CSNK1G1: variants seen among roughly 807,000 people sequenced by gnomAD.
The protein encoded by CSNK1G1 is casein kinase I isoform gamma-1.
In CSNK1G1, 22 loss-of-function variants were observed where a neutral mutation model predicts 59.6. The ratio of observed to expected loss-of-function variants is 0.37; its 90% confidence interval spans 0.26 to 0.53. The LOEUF is 0.53. CSNK1G1 is among the 20% of genes least tolerant of loss of function. The pLI is 0.89. For missense variants in CSNK1G1, 384 were observed against 519.5 expected, an observed-to-expected ratio of 0.74 and a Z score of 2.54; for synonymous variants, 179 against 177.1, an observed-to-expected ratio of 1.01 and a Z score of -0.08.
At chr15:64,254,455 G>A (rs909239834) in intron 3 of CSNK1G1, among the ~76,000 whole-genome samples, 2 of 151,568 alleles carry the variant, frequency 1.3e-5, no homozygotes, top group Admixed American at 1.3e-4. Context: ...CTGGTTCAGC[G>A]ATTTTCCTGC....
rs755070401 is a variant in CSNK1G1 at position 64,172,009 on chromosome 15, G to A, written c.1215-24C>T. 2.5e-5 allele frequency: 41 copies of A among 1,609,858 alleles called. 1 individual carries two copies. In the South Asian group the frequency reaches 4.4e-4, roughly 17 times the overall value. On this transcript the variant is annotated intron_variant, in intron 11 of 11. Transcript: ENST00000303052. Reference sequence around the variant, plus strand: ...ACCTGGAGCACAAGGAACATTGCAAGTCAGTGCGGGAGGCCTGCAGCTTCC... The same window carrying A: ...ACCTGGAGCACAAGGAACATTGCAAATCAGTGCGGGAGGCCTGCAGCTTCC...
Position 64,213,905 on chromosome 15 carries a change from T to C in CSNK1G1, c.664A>G (p.Thr222Ala). The change falls in exon 6 of 12, where the codon ACG becomes GCG. Residue 222 changes from threonine to alanine, a missense_variant. Thr to Ala is a moderately conservative substitution (Grantham distance 58). This residue lies in a region of CSNK1G1 where 325 missense variants were observed against 440.9 expected (regional missense o/e 0.74). Transcript: ENST00000303052. ...AAAAACACACCTTTGCCAAGATGCG[T>C]GTTGATAGACATATATCTTGCAGTT... is the stretch of plus-strand genomic sequence containing the variant. ...TGTARYMSIN[T>A]HLGKEQSRRD... 3.1e-6 allele frequency: 5 copies of C among 1,613,190 alleles called. No homozygotes were observed. Among genetic ancestry groups the C allele is most frequent in the Non-Finnish European group, 4.2e-6 (5 of 1,179,140 alleles).
chr15:64,225,734 C>A (rs1336431453), intron 4 of CSNK1G1, among the ~76,000 whole-genome samples: 1 of 152,172 alleles, frequency 6.6e-6, no homozygotes, highest in Non-Finnish European at 1.5e-5. Flanking sequence ...TCAACTGATT[C>A]TCCTGCCTCA....
At chr15:64,352,003 A>C (rs903265887) in intron 1 of CSNK1G1, among the ~76,000 whole-genome samples, 4 of 152,178 alleles carry the variant, frequency 2.6e-5, no homozygotes, top group African/African-American at 9.7e-5. Context: ...ATGATAAAAA[A>C]ATGATACGAG....
chr15:64,176,070 G>A lies in CSNK1G1; in HGVS notation c.1215-4085C>T, dbSNP rs1473583046. Among the ~76,000 whole-genome samples the A allele has an allele frequency of 6.6e-6, 1 of 152,202 alleles. No homozygotes were observed. Among genetic ancestry groups the A allele is most frequent in the African/African-American group, 2.4e-5 (1 of 41,448 alleles). ...CAGCGATAAGATGGGTTTGAAAGAA[G>A]GAATAGATTAATTCCTGGGTACAGG... On this transcript the variant is annotated intron_variant, in intron 11 of 11. Transcript: ENST00000303052. This position sits in a 1 kb window ranked among gnomAD's most constrained non-coding sequence, Gnocchi z 5.2.
At chr15:64,270,252 C>T (rs1893215130) in intron 2 of CSNK1G1, among the ~76,000 whole-genome samples, 1 of 152,020 alleles carries the variant, frequency 6.6e-6, no homozygotes, top group Admixed American at 6.5e-5. Context: ...AAGAAACCAA[C>T]TTCTAGATTT....
chr15:64,341,965 AC>A (rs1408794101), intron 1 of CSNK1G1, among the ~76,000 whole-genome samples: 1 of 152,230 alleles, frequency 6.6e-6, no homozygotes, highest in Non-Finnish European at 1.5e-5. Flanking sequence ...AAAGCACTAT[AC>A]AAAAATTTCC....
chr15:64,255,804 A>G (rs1166860494), intron 3 of CSNK1G1, among the ~76,000 whole-genome samples: 3 of 152,230 alleles, frequency 2.0e-5, no homozygotes, highest in Non-Finnish European at 4.4e-5. Context: ...GAAGTTGTCT[A>G]GTCTATCCCT....
At chr15:64,254,230 A>G (rs902325608) in intron 3 of CSNK1G1, among the ~76,000 whole-genome samples, 6 of 150,804 alleles carry the variant, frequency 4.0e-5, no homozygotes, top group Non-Finnish European at 7.4e-5. Context: ...GGTTGGGGGG[A>G]GGGGAGAATG....
At position 64,302,649 on chromosome 15, in the gene CSNK1G1, A is replaced by T. The variant is rs190014169; in HGVS notation, c.-224-1926T>A. Among the ~76,000 whole-genome samples the T allele has an allele frequency of 2.2e-4, 33 of 152,242 alleles. No homozygotes were observed. The East Asian group carries it at 6.2e-3, about 28-fold the overall frequency. On this transcript the variant is annotated intron_variant, in intron 1 of 11. Transcript: ENST00000303052. Reference sequence around the variant, plus strand: ...GTCTTTTGCCTAAATCCCTCAAATGATATTAGAAAGAAAGAGAAAAAAATA... The same window carrying T: ...GTCTTTTGCCTAAATCCCTCAAATGTTATTAGAAAGAAAGAGAAAAAAATA...
intron 2 of CSNK1G1, among the ~76,000 whole-genome samples, chr15:64,260,319 T>C (rs541420594): frequency 1.1e-4 from 16 of 152,342 alleles, no homozygotes; most frequent in South Asian, 2.1e-4. Flanking sequence ...TAACTATTTT[T>C]AAAATATACC....
At chr15:64,172,021 G>A in intron 11 of CSNK1G1, 36 bp from the exon 12 acceptor site, 1 of 1,588,890 alleles carries the variant, frequency 6.3e-7, no homozygotes, top group Middle Eastern at 1.7e-4. Context: ...CAGTGCGGGA[G>A]GCCTGCAGCT....
rs923052490 is a variant in CSNK1G1 at position 64,165,822 on chromosome 15, A to C, written c.*6109T>G. 2 of 414,704 alleles carry C rather than the reference A, an allele frequency of 4.8e-6. No homozygotes were observed. Among genetic ancestry groups the C allele is most frequent in the Admixed American group, 8.8e-5 (2 of 22,782 alleles). The allele number at this position is 414,704 out of a possible 1,614,324, so 25.7% of individuals were successfully genotyped here. A position where few individuals can be genotyped will look rare whatever the true frequency, so the allele number is the denominator to read the frequency against. ...CCCAAACTGGGGAAGAGGTATACTT[A>C]AAGATCACATTTGTGTTTTCCATGG... is the stretch of plus-strand genomic sequence containing the variant. On this transcript the variant is annotated 3_prime_UTR_variant, in exon 12 of 12. Coordinates refer to ENST00000303052, the MANE Select transcript of CSNK1G1 (RefSeq NM_022048.5).
intron 4 of CSNK1G1, among the ~76,000 whole-genome samples, chr15:64,221,110 A>G (rs2082383484): frequency 6.6e-6 from 1 of 152,248 alleles, no homozygotes; most frequent in Non-Finnish European, 1.5e-5. Context: ...TGGATTTTTA[A>G]AAAGCAGCCA....
chr15:64,294,054 A>C (rs546783216), intron 2 of CSNK1G1, among the ~76,000 whole-genome samples: 1 of 152,336 alleles, frequency 6.6e-6, no homozygotes, highest in South Asian at 2.1e-4. Context: ...CAAGATGTTC[A>C]TGCTCTATTA....
intron 4 of CSNK1G1, among the ~76,000 whole-genome samples, chr15:64,217,830 A>T (rs1310218195): frequency 3.3e-5 from 5 of 151,992 alleles, no homozygotes; most frequent in African/African-American, 4.8e-5. Flanking sequence ...AAAAAAAAAA[A>T]AGATTATAGA....
In CSNK1G1 at chr15:64,169,233, CTTT is replaced by C. The variant is rs567677530; in HGVS notation, c.*2695_*2697del. On this transcript the variant is annotated 3_prime_UTR_variant, in exon 12 of 12. Coordinates refer to ENST00000303052, the MANE Select transcript of CSNK1G1 (RefSeq NM_022048.5). ...GGCATTCCCACCATTTCCCTCTGCC[CTTT>C]TTTTTTTTTCTTTTTAGACAGAGTC... 1.3e-3 allele frequency: 187 copies of C among 145,710 alleles called. 1 individual carries two copies. The highest frequency in any genetic ancestry group is 2.0e-3 in the Non-Finnish European group (135 of 66,086). The allele number at this position is 145,710 out of a possible 1,614,324, so 9.0% of individuals were successfully genotyped here.
intron 2 of CSNK1G1, among the ~76,000 whole-genome samples, chr15:64,281,473 A>G (rs1894130030): frequency 6.6e-6 from 1 of 152,156 alleles, no homozygotes; most frequent in Admixed American, 6.6e-5. Context: ...GAGAAAGTAG[A>G]GTGGTAGTTA....
chr15:64,196,455 CT>C lies in CSNK1G1; in HGVS notation c.1107+6626del, dbSNP rs869219108. On this transcript the variant is annotated intron_variant, in intron 10 of 11. Coordinates refer to ENST00000303052, the MANE Select transcript of CSNK1G1 (RefSeq NM_022048.5). ...AAAAGAACTAATAAGATCACCTGAACTTTTTTTTTTTTTTGAGACGGGTTTC... is the reference window on the plus strand; with the variant it reads ...AAAAGAACTAATAAGATCACCTGAACTTTTTTTTTTTTTGAGACGGGTTTC... Among the ~76,000 whole-genome samples the C allele has an allele frequency of 3.7e-3, 537 of 143,516 alleles. 2 individuals carry two copies. Among genetic ancestry groups the C allele is most frequent in the African/African-American group, 9.2e-3 (363 of 39,434 alleles). The allele number at this position is 143,516 out of a possible 152,430, so 94.2% of individuals were successfully genotyped here.
Sources: allele counts gnomAD v4.1 joint callset (sites outside exome capture counted in the v4.1 genomes callset), GRCh38; gene constraint gnomAD v4.1.1; regional missense constraint gnomAD v4.1.1; non-coding constraint Gnocchi (gnomAD v3.1); transcripts MANE v1.5; gene names NCBI Gene and HGNC (gene_info 2026-07-23, HGNC 2026-07-21).